Variants in DRC7 observed in about 807,000 individuals in gnomAD.
The protein encoded by DRC7 is coiled-coil domain containing 135.
Under a neutral mutation model 104.4 loss-of-function variants are expected in DRC7, and 80 were observed. That is an observed-to-expected ratio of 0.77 (90% CI 0.64 to 0.92). The LOEUF is 0.92. Ranked by LOEUF, DRC7 falls within the 40% of genes least tolerant of loss-of-function variation. The pLI is 0.00. For missense variants in DRC7, 1,034 were observed against 1,141.1 expected (o/e 0.91, Z 1.35); for synonymous variants, 405 against 447.3 (o/e 0.91, Z 1.19).
chr16:57,724,835 G>A lies in DRC7; in HGVS notation c.1758G>A (p.Val586=), dbSNP rs1185709446. The part of the protein sequence containing the change: ...SSAESNPRPI[V]KITERFFRNP... Reference sequence around the variant, plus strand: ...CAGAGTCAAACCCCCGGCCCATTGTGGTAAGAGCTCGCGGGGGCTGGGGAC... The same window carrying A: ...CAGAGTCAAACCCCCGGCCCATTGTAGTAAGAGCTCGCGGGGGCTGGGGAC... The change falls in exon 13 of 19, where the codon GTG becomes GTA. Residue 586 remains valine (V), a splice_region_variant and synonymous_variant. Coordinates refer to ENST00000360716, the MANE Select transcript of DRC7 (RefSeq NM_001289162.2). 1 of 1,611,916 alleles carries A rather than the reference G, an allele frequency of 6.2e-7. No homozygotes were observed. Among genetic ancestry groups the A allele is most frequent in the South Asian group, 1.1e-5 (1 of 90,840 alleles).
intron 9 of DRC7, among the ~76,000 whole-genome samples, chr16:57,720,367 G>T (rs2148762711): frequency 6.6e-6 from 1 of 152,294 alleles, no homozygotes; most frequent in South Asian, 2.1e-4. Flanking sequence ...TCTCAAAAGG[G>T]TGCTAAATGT....
Position 57,698,923 on chromosome 16 carries a change from C to CACCTGCTGCAGGTG in DRC7, c.278_291dup (p.Ala98ThrfsTer28), listed in dbSNP as rs1276264751. On this transcript the variant is annotated frameshift_variant, in exon 4 of 19. Transcript: ENST00000360716. LOFTEE classifies it high-confidence loss of function. ...CAAAACCAACACACCCAAGGAGGAA[C>CACCTGCTGCAGGTG]ACCTGCTGCAGGTGGCAGACAACTT... 6.2e-7 allele frequency: 1 copy of CACCTGCTGCAGGTG among 1,614,152 alleles called. No homozygotes were observed.
At chr16:57,705,828 ATCCAT>A (rs2048715328) in intron 7 of DRC7, among the ~76,000 whole-genome samples, 1 of 109,982 alleles carries the variant, frequency 9.1e-6, no homozygotes, top group East Asian at 3.0e-4. Context: ...CCATCCTCCC[ATCCAT>A]CCATCCTCCC....
chr16:57,719,072 A>G (rs1393649389), intron 9 of DRC7, among the ~76,000 whole-genome samples: 1 of 151,972 alleles, frequency 6.6e-6, no homozygotes, highest in Non-Finnish European at 1.5e-5. Flanking sequence ...GGAGTCCCAG[A>G]GCTGGCTGTT....
Position 57,698,882 on chromosome 16 carries a change from AGCT to A in DRC7, c.239_241del (p.Leu80del). The A allele has an allele frequency of 1.9e-6, 3 of 1,614,056 alleles. No homozygotes were observed. Among genetic ancestry groups the A allele is most frequent in the Non-Finnish European group, 2.5e-6 (3 of 1,179,964 alleles). ...ACCAAGGACACTATTGACATCTCCAAGCTGCCCATTTCCTACAAAACCAACACA... is the reference window on the plus strand; with the variant it reads ...ACCAAGGACACTATTGACATCTCCAAGCCCATTTCCTACAAAACCAACACA... On this transcript the variant is annotated inframe_deletion, in exon 4 of 19. Transcript: ENST00000360716.
chr16:57,720,737 A>G (rs1316821957), intron 9 of DRC7, among the ~76,000 whole-genome samples: 1 of 152,234 alleles, frequency 6.6e-6, no homozygotes, highest in Non-Finnish European at 1.5e-5. Flanking sequence ...TGTCCCCTGC[A>G]AAATGTCACA....
In DRC7 at chr16:57,722,849, G is replaced by A. The variant is rs556797404; in HGVS notation, c.1408+8G>A. 1.2e-6 allele frequency: 2 copies of A among 1,613,660 alleles called. No homozygotes were observed. The highest frequency in any genetic ancestry group is 8.5e-7 in the Non-Finnish European group (1 of 1,179,984). On this transcript the variant is annotated splice_region_variant and intron_variant, in intron 11 of 18. Transcript: ENST00000360716. ...CCTATGAGGACTTGCAGTGTAAGGGGGATTGCTCTGGACATGGGTCCAGGC... is the reference window on the plus strand; with the variant it reads ...CCTATGAGGACTTGCAGTGTAAGGGAGATTGCTCTGGACATGGGTCCAGGC...
intron 2 of DRC7, among the ~76,000 whole-genome samples, chr16:57,697,154 C>A (rs2048601773): frequency 6.6e-6 from 1 of 152,112 alleles, no homozygotes; most frequent in Non-Finnish European, 1.5e-5. Context: ...CTCAAGTGAT[C>A]CACCTGCCTC....
rs1567871863 is a variant in DRC7, at chr16:57,700,237, C to T, written c.471C>T (p.Leu157=). The T allele has an allele frequency of 1.2e-6, 2 of 1,614,024 alleles. No homozygotes were observed. The highest frequency in any genetic ancestry group is 1.7e-6 in the Non-Finnish European group (2 of 1,179,952). ...DSCAQFVSDF[L]TMVPLPDPLK... is the part of the protein sequence containing the mutation. The stretch of plus-strand genomic sequence containing the variant: ...GTGCCCAGTTTGTCTCCGACTTCCT[C>T]ACCATGGTGCCCCTGCCTGACCCTC... The change falls in exon 5 of 19, where the codon CTC becomes CTT. Residue 157 remains leucine (L), a synonymous_variant. Transcript: ENST00000360716.
intron 2 of DRC7, among the ~76,000 whole-genome samples, 174 bp from the exon 3 acceptor site, chr16:57,697,739 A>G (rs112022640): frequency 1.2e-3 from 181 of 152,268 alleles, no homozygotes; most frequent in African/African-American, 3.8e-3. Context: ...ATGGGGTAGC[A>G]CCAAACAGAG....
In DRC7 at chr16:57,731,345, A is replaced by G; in HGVS notation, c.*87A>G. ...CTCCTGTGTTCCCTCTATCCAGCCA[A>G]TGCCTGTTTACACAGACACCTGGCC... On this transcript the variant is annotated 3_prime_UTR_variant, in exon 19 of 19. Transcript: ENST00000360716. The G allele has an allele frequency of 1.9e-6, 2 of 1,042,612 alleles. No homozygotes were observed. Among genetic ancestry groups the G allele is most frequent in the South Asian group, 1.4e-5 (1 of 72,320 alleles). The allele number at this position is 1,042,612 out of a possible 1,614,324, so 64.6% of individuals were successfully genotyped here.
chr16:57,727,380 G>A lies in DRC7; in HGVS notation c.2167G>A (p.Glu723Lys). The A allele has an allele frequency of 1.9e-6, 3 of 1,613,422 alleles. No individual in the cohort carries two copies. Among genetic ancestry groups the A allele is most frequent in the Non-Finnish European group, 1.7e-6 (2 of 1,179,836 alleles). Residue 723 changes from glutamate to lysine, a missense_variant, in exon 16 of 19, where the codon GAG becomes AAG. Coordinates refer to ENST00000360716, the MANE Select transcript of DRC7 (RefSeq NM_001289162.2). ...CTCCATCTATGACACCAAGCGGAATGAGAAGAGCAAGGAATATCGGGAGGC... is the reference window on the plus strand; with the variant it reads ...CTCCATCTATGACACCAAGCGGAATAAGAAGAGCAAGGAATATCGGGAGGC... ...TISIYDTKRN[E>K]KSKEYREAME...
chr16:57,718,738 T>A (rs916573132), intron 9 of DRC7, among the ~76,000 whole-genome samples: 2 of 152,134 alleles, frequency 1.3e-5, no homozygotes, highest in Non-Finnish European at 2.9e-5. Context: ...GCCCCCCATA[T>A]CGTCCACCTT....
At chr16:57,721,857 C>A in intron 10 of DRC7, 118 bp downstream of exon 10, 1 of 696,544 alleles carries the variant, frequency 1.4e-6, no homozygotes, top group Non-Finnish European at 2.5e-6. Context: ...CACATTTCCA[C>A]CCTTCTCACC....
At position 57,731,206 on chromosome 16, in the gene DRC7, A is replaced by G. The variant is rs780923727; in HGVS notation, c.2573A>G (p.Glu858Gly). The G allele has an allele frequency of 1.9e-6, 3 of 1,613,822 alleles. No individual in the cohort carries two copies. Among genetic ancestry groups the G allele is most frequent in the East Asian group, 4.5e-5 (2 of 44,882 alleles). The stretch of plus-strand genomic sequence containing the variant: ...CCACTGAAGTACCTGGCTCTGGAGG[A>G]AAAGCTCTACAAGGACCCACGCCTG... Reference protein sequence around the residue: ...LAPLKYLALEEKLYKDPRLGE... With the variant: ...LAPLKYLALEGKLYKDPRLGE... Residue 858 changes from glutamate to glycine, a missense_variant, in exon 19 of 19, where the codon GAA becomes GGA. By Grantham distance (98) the Glu-to-Gly change is moderately conservative. Transcript: ENST00000360716.
rs2049059726 is a variant in DRC7, at chr16:57,731,271, G to A, written c.*13G>A. 6.2e-7 allele frequency: 1 copy of A among 1,606,662 alleles called. No homozygotes were observed. Among genetic ancestry groups the A allele is most frequent in the African/African-American group, 1.3e-5 (1 of 74,912 alleles). ...AATATTCGCTTGATGTCCCTCCTGGGGCCTCAGCCAGAGCTGCCAGAGAAA... is the reference window on the plus strand; with the variant it reads ...AATATTCGCTTGATGTCCCTCCTGGAGCCTCAGCCAGAGCTGCCAGAGAAA... On this transcript the variant is annotated 3_prime_UTR_variant, in exon 19 of 19. Coordinates refer to ENST00000360716, the MANE Select transcript of DRC7 (RefSeq NM_001289162.2).
intron 8 of DRC7, among the ~76,000 whole-genome samples, chr16:57,715,728 G>A (rs1395568587): frequency 2.6e-5 from 4 of 152,216 alleles, no homozygotes; most frequent in East Asian, 1.9e-4. Context: ...GGGCAGAGCC[G>A]ACACTGCCCT....
intron 8 of DRC7, 26 bp downstream of exon 8, chr16:57,707,704 G>T (rs1365393678): frequency 1.3e-6 from 2 of 1,598,388 alleles, no homozygotes; most frequent in Non-Finnish European, 1.7e-6. Context: ...GAGCTGGGTG[G>T]GTGTGGCAGG....
intron 14 of DRC7, chr16:57,726,592 G>T: frequency 1.8e-6 from 1 of 556,468 alleles, no homozygotes; most frequent in Non-Finnish European, 3.2e-6. Context: ...ACCTCTGAGG[G>T]GCTAGCTTTC....
Sources: gnomAD v4.1 joint callset for allele counts (sites outside exome capture counted in the v4.1 genomes callset) on GRCh38, gnomAD v4.1.1 for gene constraint, MANE v1.5 for transcripts, NCBI Gene and HGNC (gene_info 2026-07-23, HGNC 2026-07-21) for gene names.